Variants in ANKRD17 observed in about 807,000 individuals in gnomAD.
ANKRD17 encodes the protein ankyrin repeat domain 17.
ANKRD17 carries 19 observed loss-of-function variants against 229.7 expected under a neutral mutation model. The observed-to-expected ratio is 0.08, with a 90% CI of 0.06 to 0.12. The LOEUF (loss-of-function observed/expected upper bound fraction) is 0.12, where lower values mean the gene tolerates loss of function less well. Among genes scored for constraint, ANKRD17 ranks in the 10% least tolerant of loss-of-function variants. ANKRD17 has a pLI of 1.00. For synonymous variants in ANKRD17, 1,112 were observed against 1,146.1 expected, an observed-to-expected ratio of 0.97 and a Z score of 0.60; for missense variants, 2,176 against 3,176.8, an observed-to-expected ratio of 0.68 and a Z score of 7.57.
chr4:73,154,113 C>T lies in ANKRD17; in HGVS notation c.1001G>A (p.Gly334Asp), dbSNP rs1325697845. The T allele has an allele frequency of 6.5e-7, 1 of 1,535,778 alleles. No individual in the cohort carries two copies. Among genetic ancestry groups the T allele is most frequent in the Non-Finnish European group, 8.7e-7 (1 of 1,145,070 alleles). ...ACAAGCATATGTAAGTGCTGTATTGCCTATTTTAATTAGGAAAAATAAAAA... is the reference window on the plus strand; with the variant it reads ...ACAAGCATATGTAAGTGCTGTATTGTCTATTTTAATTAGGAAAAATAAAAA... ...KADVNAQSST[G>D]NTALTYACAG... is the part of the protein sequence containing the mutation. Residue 334 changes from glycine to aspartate, a missense_variant and splice_region_variant, in exon 6 of 34, where the codon GGC becomes GAC. By Grantham distance (94) the Gly-to-Asp change is moderately conservative. This residue lies in a region of ANKRD17 where 184 missense variants were observed against 357.8 expected (regional missense o/e 0.51). Transcript: ENST00000358602.
At chr4:73,097,370 T>C in intron 26 of ANKRD17, 98 bp from the exon 27 acceptor site, 1 of 1,054,108 alleles carries the variant, frequency 9.5e-7, no homozygotes, top group Non-Finnish European at 1.3e-6. Context: ...AAATTTATTT[T>C]TAAATAACAA....
chr4:73,156,105 C>T lies in ANKRD17; in HGVS notation c.766G>A (p.Glu256Lys), dbSNP rs764948138. 1 of 1,613,488 alleles carries T rather than the reference C, an allele frequency of 6.2e-7. No individual in the cohort carries two copies. Among genetic ancestry groups the T allele is most frequent in the Middle Eastern group, 1.7e-4 (1 of 6,054 alleles). The stretch of plus-strand genomic sequence containing the variant: ...GTGTGTTCATTTACACTTCGCCCTT[C>T]AATGAGTAACTTTCGCACAGCATTT... The part of the protein sequence containing the change: ...DVNAVRKLLI[E>K]GRSVNEHTEE... The change falls in exon 4 of 34, where the codon GAA (glutamate) becomes AAA (lysine). Residue 256 changes from glutamate to lysine, a missense_variant. This residue lies in a region of ANKRD17 where 184 missense variants were observed against 357.8 expected (regional missense o/e 0.51). Transcript: ENST00000358602.
intron 1 of ANKRD17, among the ~76,000 whole-genome samples, chr4:73,181,965 T>G (rs1735615006): frequency 1.5e-5 from 2 of 135,070 alleles, no homozygotes; most frequent in Non-Finnish European, 3.0e-5. Context: ...GGAGAATCAC[T>G]TAAACCCGGG....
intron 1 of ANKRD17, among the ~76,000 whole-genome samples, chr4:73,204,104 A>AAT (rs1480522133): frequency 6.6e-6 from 1 of 152,088 alleles, no homozygotes; most frequent in East Asian, 1.9e-4. Flanking sequence ...TCACGCCTGT[A>AAT]ATACCAGCAC....
At chr4:73,202,756 A>G (rs1373608935) in intron 1 of ANKRD17, among the ~76,000 whole-genome samples, 9 of 152,242 alleles carry the variant, frequency 5.9e-5, no homozygotes, top group Admixed American at 5.9e-4. Flanking sequence ...ATTCAACAAT[A>G]TAATATCACA....
chr4:73,188,251 A>C (rs1406997347), intron 1 of ANKRD17, among the ~76,000 whole-genome samples: 3 of 152,148 alleles, frequency 2.0e-5, no homozygotes, highest in Non-Finnish European at 4.4e-5. Context: ...ATAAAATTAT[A>C]AGCATATTAT....
chr4:73,125,163 A>C (rs777746126), intron 17 of ANKRD17, 38 bp downstream of exon 17: 7 of 1,589,222 alleles, frequency 4.4e-6, no homozygotes, highest in Non-Finnish European at 3.4e-6. Flanking sequence ...AAATTTTTTG[A>C]CCAGTATTCC....
At chr4:73,113,452 G>A in intron 24 of ANKRD17, 1 of 1,135,264 alleles carries the variant, frequency 8.8e-7, no homozygotes, top group South Asian at 1.4e-5. Flanking sequence ...TAAATTACAA[G>A]GTCTAAAACA....
intron 1 of ANKRD17, among the ~76,000 whole-genome samples, chr4:73,212,947 A>G (rs1740501752): frequency 6.6e-6 from 1 of 151,400 alleles, no homozygotes; most frequent in African/African-American, 2.4e-5. Flanking sequence ...GAAATGCTTG[A>G]ACCTGGGAGG....
chr4:73,115,952 A>C lies in ANKRD17; in HGVS notation c.4189-36T>G, dbSNP rs1360025214. The C allele has an allele frequency of 1.9e-6, 3 of 1,558,250 alleles. No homozygotes were observed. In the East Asian group the frequency reaches 6.7e-5, roughly 35 times the overall value. ...GATATCAATGTCAGATTGAAAACAG[A>C]CTCTAACAGTTCAGTAAATCTATGC... On this transcript the variant is annotated intron_variant, in intron 22 of 33. Transcript: ENST00000358602.
chr4:73,121,123 T>C (rs1167110797), intron 19 of ANKRD17, 29 bp from the exon 20 acceptor site: 2 of 1,545,552 alleles, frequency 1.3e-6, no homozygotes, highest in South Asian at 1.1e-5. Flanking sequence ...GGAAAACAAA[T>C]GGAAAAATAT....
At chr4:73,147,027 T>TA (rs201617650) in intron 9 of ANKRD17, among the ~76,000 whole-genome samples, 154 bp from the exon 10 acceptor site, 3,546 of 152,210 alleles carry the variant, frequency 0.023, 64 homozygotes, top group Middle Eastern at 0.048. Context: ...TTGTAGGCAT[T>TA]AAAAAAATTA....
At chr4:73,148,036 G>A (rs1248841228) in intron 8 of ANKRD17, among the ~76,000 whole-genome samples, 1 of 152,058 alleles carries the variant, frequency 6.6e-6, no homozygotes, top group African/African-American at 2.4e-5. Context: ...AACCCTACAC[G>A]AGAAAACTGA....
rs1372850729 is a variant in ANKRD17, at chr4:73,146,752, A to G, written c.1869+12T>C. 6.4e-7 allele frequency: 1 copy of G among 1,561,566 alleles called. No homozygotes were observed. Among genetic ancestry groups the G allele is most frequent in the South Asian group, 1.2e-5 (1 of 84,218 alleles). ...TGTTAAATATTAAGATTTAAAAAGT[A>G]ACATAGCTTACCAGATCTGCGCCTG... is the stretch of plus-strand genomic sequence containing the variant. On this transcript the variant is annotated intron_variant, in intron 10 of 33. Coordinates refer to ENST00000358602, the MANE Select transcript of ANKRD17 (RefSeq NM_032217.5).
intron 1 of ANKRD17, among the ~76,000 whole-genome samples, chr4:73,206,904 C>A (rs1015578767): frequency 6.6e-6 from 1 of 152,090 alleles, no homozygotes; most frequent in Admixed American, 6.5e-5. Context: ...CTGACTGCAA[C>A]CTCCACCCCA....
chr4:73,226,858 G>A (rs1425759285), intron 1 of ANKRD17, among the ~76,000 whole-genome samples: 1 of 152,106 alleles, frequency 6.6e-6, no homozygotes, highest in African/African-American at 2.4e-5. Flanking sequence ...GGGACTACAG[G>A]CACGTGCCAC....
At chr4:73,117,812 T>C (rs993346777) in intron 22 of ANKRD17, among the ~76,000 whole-genome samples, 1 of 152,298 alleles carries the variant, frequency 6.6e-6, no homozygotes, top group Admixed American at 6.5e-5. Flanking sequence ...AAGAGATCAA[T>C]GGATTATCAA....
At chr4:73,106,064 C>T (rs1333287778) in intron 24 of ANKRD17, among the ~76,000 whole-genome samples, 1 of 152,128 alleles carries the variant, frequency 6.6e-6, no homozygotes, top group African/African-American at 2.4e-5. Flanking sequence ...GCCTAAATCT[C>T]ATTTTACTTC....
chr4:73,090,605 A>G, intron 29 of ANKRD17, 62 bp downstream of exon 29: 2 of 1,592,484 alleles, frequency 1.3e-6, no homozygotes, highest in Non-Finnish European at 1.7e-6. Context: ...GAAAATGACC[A>G]AGAATTTTCA....
Sources: allele counts gnomAD v4.1 joint callset (sites outside exome capture counted in the v4.1 genomes callset), GRCh38; gene constraint gnomAD v4.1.1; regional missense constraint gnomAD v4.1.1; transcripts MANE v1.5; gene names NCBI Gene and HGNC (gene_info 2026-07-23, HGNC 2026-07-21).